Variants in LY75 observed in about 807,000 individuals in gnomAD.
LY75 encodes the protein C-type lectin domain family 13 member B.
Under a neutral mutation model 231.7 loss-of-function variants are expected in LY75, and 185 were observed. The ratio of observed to expected loss-of-function variants is 0.80; its 90% CI spans 0.71 to 0.90. The LOEUF is 0.90. LY75 is among the 40% of genes least tolerant of loss of function. The probability of loss-of-function intolerance (pLI) is 0.00; values close to 1 mark genes in which losing one functional copy is unlikely to be tolerated. For synonymous variants in LY75, 668 were observed against 689.0 expected (o/e 0.97, Z 0.48); for missense variants, 1,947 against 2,050.2 (o/e 0.95, Z 0.97).
At chr2:159,885,382 T>C in intron 5 of LY75, 89 bp from the exon 6 acceptor site, 14 of 1,509,084 alleles carry the variant, frequency 9.3e-6, no homozygotes, top group African/African-American at 1.4e-5. Context: ...CCTAATTTTA[T>C]GCTTTTATGG....
rs575129654 is a variant in LY75, at chr2:159,861,706, C to A, written c.2200-817G>T. Among the ~76,000 whole-genome samples, 9 of 152,308 alleles carry A rather than the reference C, an allele frequency of 5.9e-5. No homozygotes were observed. In the East Asian group the frequency reaches 1.5e-3, roughly 26 times the overall value. On this transcript the variant is annotated intron_variant, in intron 14 of 34. Coordinates refer to ENST00000263636, the MANE Select transcript of LY75 (RefSeq NM_002349.4). ...TGAGTCATACTGGCACCACTGTATTCTAGCCTGGGTGACACAGTGAGACTC... is the reference window on the plus strand; with the variant it reads ...TGAGTCATACTGGCACCACTGTATTATAGCCTGGGTGACACAGTGAGACTC...
intron 31 of LY75, among the ~76,000 whole-genome samples, chr2:159,812,968 C>G (rs1258359795): frequency 6.6e-6 from 1 of 152,186 alleles, no homozygotes; most frequent in African/African-American, 2.4e-5. Context: ...TTGTGACTGG[C>G]TTATTTCACT....
At position 159,852,246 on chromosome 2, in the gene LY75, T is replaced by A. The variant is rs755719229; in HGVS notation, c.2838A>T (p.Ala946=). ...SSLEKYSPDS[A]AKVQCSEQWI... ...ATTGCTCAGAACATTGCACTTTAGC[T>A]GCAGAATCTGGGCTGTATTTCTCTA... is the stretch of plus-strand genomic sequence containing the variant. Residue 946 remains alanine, a synonymous_variant, in exon 21 of 35, where the codon GCA becomes GCT. Coordinates refer to ENST00000263636, the MANE Select transcript of LY75 (RefSeq NM_002349.4). 6 of 1,613,982 alleles carry A rather than the reference T, an allele frequency of 3.7e-6. No homozygotes were observed. In the African/African-American group the frequency reaches 8.0e-5, roughly 22 times the overall value.
chr2:159,893,387 C>A (rs528654781), intron 3 of LY75, among the ~76,000 whole-genome samples: 2 of 152,314 alleles, frequency 1.3e-5, no homozygotes, highest in East Asian at 3.9e-4. Flanking sequence ...CTCTGTTCAA[C>A]GAACTGGAAC....
At chr2:159,901,158 C>T (rs2125887910) in intron 1 of LY75, among the ~76,000 whole-genome samples, 1 of 152,220 alleles carries the variant, frequency 6.6e-6, no homozygotes, top group Non-Finnish European at 1.5e-5. Context: ...ACACTTTCTT[C>T]TTTGACATTC....
chr2:159,815,363 C>A, intron 31 of LY75, 42 bp downstream of exon 31: 1 of 1,545,534 alleles, frequency 6.5e-7, no homozygotes, highest in Non-Finnish European at 8.7e-7. Context: ...TAAATTATGT[C>A]ACATTTTCAT....
intron 20 of LY75, among the ~76,000 whole-genome samples, chr2:159,852,670 C>T (rs567493502): frequency 3.2e-4 from 48 of 152,172 alleles, no homozygotes; most frequent in Non-Finnish European, 5.9e-4. Flanking sequence ...TTGCCTGCCT[C>T]AGCCTCCCAA....
rs747342318 is a variant in LY75 at position 159,850,437 on chromosome 2, TGA to T, written c.2912_2913del (p.Leu971HisfsTer24). 1.4e-5 allele frequency: 23 copies of T among 1,613,498 alleles called. No homozygotes were observed. Among genetic ancestry groups the T allele is most frequent in the Non-Finnish European group, 1.9e-5 (22 of 1,179,698 alleles). On this transcript the variant is annotated frameshift_variant, in exon 22 of 35. Coordinates refer to ENST00000263636, the MANE Select transcript of LY75 (RefSeq NM_002349.4). LOFTEE classifies it high-confidence loss of function. ...CAGGTATCGCTTGCTTGAGAAAATG[TGA>T]GAGACACGGGTTTGATCTTTAGAAA... ...KCFLKIKPVS[L>X]TFSQASDTCH...
chr2:159,823,323 T>C (rs1451244614), intron 28 of LY75, among the ~76,000 whole-genome samples: 1 of 152,108 alleles, frequency 6.6e-6, no homozygotes, highest in Non-Finnish European at 1.5e-5. Flanking sequence ...AATAGCTGAA[T>C]TGATCAAGCG....
chr2:159,836,665 C>T (rs1251034608), intron 25 of LY75, among the ~76,000 whole-genome samples: 1 of 152,208 alleles, frequency 6.6e-6, no homozygotes, highest in African/African-American at 2.4e-5. Flanking sequence ...TAAACAGCAA[C>T]ACAGTCAAGC....
At chr2:159,820,002 G>T in intron 28 of LY75, 82 bp from the exon 29 acceptor site, 1 of 1,357,548 alleles carries the variant, frequency 7.4e-7, no homozygotes, top group South Asian at 1.8e-5. Flanking sequence ...TTTCAAACTT[G>T]ACTAATTTTC....
At chr2:159,872,033 C>A (rs768343359) in intron 13 of LY75, 5 of 156,522 alleles carry the variant, frequency 3.2e-5, no homozygotes, top group Non-Finnish European at 5.6e-5. Context: ...TGCTTATGTT[C>A]TGTTTTTTTT....
intron 23 of LY75, among the ~76,000 whole-genome samples, chr2:159,847,195 G>C (rs1297217011): frequency 6.6e-6 from 1 of 152,070 alleles, no homozygotes; most frequent in African/African-American, 2.4e-5. Context: ...GTACTTCTTA[G>C]TAGAGACGGG....
intron 14 of LY75, among the ~76,000 whole-genome samples, chr2:159,864,001 T>C (rs965915770): frequency 5.3e-5 from 8 of 152,206 alleles, no homozygotes; most frequent in African/African-American, 1.7e-4. Context: ...GTGTAGCCTA[T>C]GTGTGAAGTA....
Position 159,834,027 on chromosome 2 carries a change from A to G in LY75, c.3841+17T>C, listed in dbSNP as rs372939534. 1 of 1,610,878 alleles carries G rather than the reference A, an allele frequency of 6.2e-7. No homozygotes were observed. ...TGTCCTTATAGCAACATGAGAATGG[A>G]CTAATATAATACTTACTCAGTTTCT... is the stretch of plus-strand genomic sequence containing the variant. On this transcript the variant is annotated intron_variant, in intron 27 of 34. Transcript: ENST00000263636.
intron 5 of LY75, among the ~76,000 whole-genome samples, chr2:159,885,863 A>G (rs150295460): frequency 1.8e-4 from 27 of 152,266 alleles, no homozygotes; most frequent in African/African-American, 6.3e-4. Flanking sequence ...CATAAGCCTA[A>G]GATTTTATTT....
At chr2:159,883,197 G>C (rs1055263665) in intron 6 of LY75, among the ~76,000 whole-genome samples, 2 of 150,654 alleles carry the variant, frequency 1.3e-5, no homozygotes, top group Non-Finnish European at 3.0e-5. Flanking sequence ...CGAGTTAGTG[G>C]GTGCAGCGCA....
At position 159,842,356 on chromosome 2, in the gene LY75, G is replaced by T. The variant is rs749565499; in HGVS notation, c.3169C>A (p.Arg1057Ser). 2 of 1,610,156 alleles carry T rather than the reference G, an allele frequency of 1.2e-6. No homozygotes were observed. The highest frequency in any genetic ancestry group is 1.7e-6 in the Non-Finnish European group (2 of 1,177,822). Reference sequence around the variant, plus strand: ...TTGAGTATTAGGGCACAGTGGTAGCGAGACTCTTCCTCAAAAAACTAAACA... The same window carrying T: ...TTGAGTATTAGGGCACAGTGGTAGCTAGACTCTTCCTCAAAAAACTAAACA... The part of the protein sequence containing the change: ...IPENFFEEES[R>S]YHCALILNLQ... Residue 1057 changes from arginine to serine, a missense_variant, in exon 24 of 35, where the codon CGC becomes AGC. Arg to Ser is a moderately radical substitution (Grantham distance 110). Transcript: ENST00000263636.
rs36090480 is a variant in LY75, at chr2:159,840,936, C to T, written c.3300G>A (p.Thr1100=). 0.012 allele frequency: 19,438 copies of T among 1,613,764 alleles called. 167 individuals carry two copies. Among genetic ancestry groups the T allele is most frequent in the Admixed American group, 0.038 (2,294 of 60,006 alleles). Residue 1100 remains threonine, a synonymous_variant, in exon 25 of 35, where the codon ACG becomes ACA. Coordinates refer to ENST00000263636, the MANE Select transcript of LY75 (RefSeq NM_002349.4). ...QKYSEVKSRQ[T]LQNASETVKY... is the part of the protein sequence containing the mutation. Reference sequence around the variant, plus strand: ...TTACAGTTTCTGAAGCATTCTGCAACGTCTGTCTGCTTTTAACTTCTGCAT... The same window carrying T: ...TTACAGTTTCTGAAGCATTCTGCAATGTCTGTCTGCTTTTAACTTCTGCAT...
Sources: allele counts gnomAD v4.1 joint callset (sites outside exome capture counted in the v4.1 genomes callset), GRCh38; gene constraint gnomAD v4.1.1; transcripts MANE v1.5; gene names NCBI Gene and HGNC (gene_info 2026-07-23, HGNC 2026-07-21).